The following FSTL5 variants were observed in gnomAD, a reference collection of about 807,000 sequenced individuals.
The protein encoded by FSTL5 is follistatin-related protein 5.
FSTL5 carries 62 observed loss-of-function variants against 89.1 expected under a neutral mutation model. That is an observed-to-expected ratio of 0.70 (90% confidence interval 0.57 to 0.86). FSTL5 has a LOEUF of 0.86. Ranked by LOEUF, FSTL5 falls within the 40% of genes least tolerant of loss-of-function variation. The probability of loss-of-function intolerance (pLI) is 0.00; values close to 1 mark genes in which losing one functional copy is unlikely to be tolerated. For missense variants in FSTL5, 1,057 were observed against 1,001.6 expected (o/e 1.06, Z -0.75); for synonymous variants, 383 against 346.2 (o/e 1.11, Z -1.18).
chr4:161,807,961 T>C (rs1730018955), intron 4 of FSTL5, among the ~76,000 whole-genome samples: 1 of 151,892 alleles, frequency 6.6e-6, no homozygotes, highest in African/African-American at 2.4e-5. Context: ...ATCAGAGAAA[T>C]CAAAAGGCAA....
chr4:161,558,141 C>A (rs1189938867), intron 8 of FSTL5, among the ~76,000 whole-genome samples: 1 of 151,680 alleles, frequency 6.6e-6, no homozygotes, highest in African/African-American at 2.4e-5. Context: ...TAAAACAATC[C>A]CAGAAGGATG....
At chr4:161,673,678 A>C (rs961449791) in intron 6 of FSTL5, among the ~76,000 whole-genome samples, 1 of 152,008 alleles carries the variant, frequency 6.6e-6, no homozygotes, top group Admixed American at 6.6e-5. Context: ...TTCTAGTGTC[A>C]AATGTCACTA....
chr4:161,780,536 T>C (rs960515317), intron 4 of FSTL5, among the ~76,000 whole-genome samples: 1 of 152,202 alleles, frequency 6.6e-6, no homozygotes, highest in Non-Finnish European at 1.5e-5. Context: ...CCTTATTTAT[T>C]GGTAACTGTA....
intron 8 of FSTL5, among the ~76,000 whole-genome samples, chr4:161,544,831 T>G (rs1731952629): frequency 6.6e-6 from 1 of 152,026 alleles, no homozygotes; most frequent in Admixed American, 6.6e-5. Flanking sequence ...ATTGCGATAC[T>G]ACTAATGTTA....
chr4:162,152,875 A>G (rs1366870073), intron 1 of FSTL5, among the ~76,000 whole-genome samples: 1 of 151,998 alleles, frequency 6.6e-6, no homozygotes, highest in Non-Finnish European at 1.5e-5. Flanking sequence ...GAAAGAAAAA[A>G]AAAAACCGAC....
chr4:161,472,446 G>A (rs940486804), intron 13 of FSTL5, among the ~76,000 whole-genome samples: 3 of 151,482 alleles, frequency 2.0e-5, no homozygotes, highest in Non-Finnish European at 4.4e-5. Context: ...TTGTTGATTT[G>A]AGATATTTCT....
chr4:161,411,561 A>T (rs1731593031), intron 15 of FSTL5, among the ~76,000 whole-genome samples: 1 of 152,228 alleles, frequency 6.6e-6, no homozygotes, highest in Non-Finnish European at 1.5e-5. Flanking sequence ...GATATACTGC[A>T]TAAACAGAAT....
chr4:161,516,229 A>G (rs1438876681), intron 10 of FSTL5, among the ~76,000 whole-genome samples: 1 of 149,070 alleles, frequency 6.7e-6, no homozygotes, highest in Non-Finnish European at 1.5e-5. Context: ...TATTTCTATT[A>G]GGGTATTGTA....
intron 2 of FSTL5, among the ~76,000 whole-genome samples, chr4:162,075,764 TA>T (rs1264381053): frequency 1.3e-5 from 2 of 151,978 alleles, no homozygotes; most frequent in East Asian, 3.9e-4. Context: ...GACACCCATA[TA>T]GATGCTGCAC....
chr4:162,059,447 G>C (rs1738651872), intron 2 of FSTL5, among the ~76,000 whole-genome samples: 1 of 152,146 alleles, frequency 6.6e-6, no homozygotes, highest in Non-Finnish European at 1.5e-5. Flanking sequence ...AGTTAGGTCT[G>C]AGGCTCTGAA....
At chr4:162,160,050 C>T (rs865933917) in intron 1 of FSTL5, among the ~76,000 whole-genome samples, 19 of 128,906 alleles carry the variant, frequency 1.5e-4, no homozygotes, top group Middle Eastern at 9.3e-3. Flanking sequence ...TGTTCTAGGC[C>T]ATGCCCTTGC....
intron 4 of FSTL5, among the ~76,000 whole-genome samples, chr4:161,891,828 G>T (rs1422383740): frequency 1.3e-5 from 2 of 152,004 alleles, no homozygotes; most frequent in African/African-American, 4.8e-5. Flanking sequence ...GACTATTATA[G>T]ATCTTATAAT....
At chr4:161,816,949 C>T (rs1359124689) in intron 4 of FSTL5, among the ~76,000 whole-genome samples, 1 of 152,090 alleles carries the variant, frequency 6.6e-6, no homozygotes, top group East Asian at 1.9e-4. Context: ...CTCAGAGGGC[C>T]TTTTAGAGTG....
intron 1 of FSTL5, among the ~76,000 whole-genome samples, chr4:162,132,699 A>G (rs1348265744): frequency 6.6e-6 from 1 of 152,162 alleles, no homozygotes; most frequent in Non-Finnish European, 1.5e-5. Flanking sequence ...CAGAACATGA[A>G]GAAGAAGCTG....
At chr4:161,865,604 C>A (rs530678621) in intron 4 of FSTL5, among the ~76,000 whole-genome samples, 1 of 152,216 alleles carries the variant, frequency 6.6e-6, no homozygotes, top group East Asian at 1.9e-4. Context: ...TACCTTGTTA[C>A]TATAACGTTA....
intron 10 of FSTL5, among the ~76,000 whole-genome samples, chr4:161,515,677 A>G (rs1034580292): frequency 1.3e-5 from 2 of 151,830 alleles, no homozygotes; most frequent in African/African-American, 4.8e-5. Context: ...GTTTCATCAT[A>G]TGAATTTCTG....
intron 1 of FSTL5, among the ~76,000 whole-genome samples, chr4:162,146,677 TCC>T (rs1365177206): frequency 4.3e-5 from 1 of 23,004 alleles, no homozygotes; most frequent in African/African-American, 1.4e-4. Context: ...TCCCTTCCCT[TCC>T]CTTCCCTTCC....
chr4:161,488,824 G>A (rs918893313), intron 12 of FSTL5, among the ~76,000 whole-genome samples: 2 of 152,166 alleles, frequency 1.3e-5, no homozygotes, highest in Admixed American at 1.3e-4. Context: ...TGTTTTGGAA[G>A]GAAGTTTGCT....
chr4:161,621,940 T>C (rs1735143970), intron 7 of FSTL5, among the ~76,000 whole-genome samples: 2 of 151,450 alleles, frequency 1.3e-5, no homozygotes, highest in Admixed American at 1.3e-4. Context: ...GAGGTTTCAG[T>C]GAGCCAAGAT....
Sources: gnomAD v4.1 joint callset for allele counts (sites outside exome capture counted in the v4.1 genomes callset) on GRCh38, gnomAD v4.1.1 for gene constraint, MANE v1.5 for transcripts, NCBI Gene and HGNC (gene_info 2026-07-23, HGNC 2026-07-21) for gene names.